Variants in RNF170 observed in about 807,000 individuals in gnomAD.
RNF170 encodes ring finger protein 170.
RNF170 carries 12 observed loss-of-function variants against 32.7 expected under a neutral mutation model. The ratio of observed to expected loss-of-function variants is 0.37; its 90% CI spans 0.24 to 0.60. The LOEUF is 0.60. RNF170 is among the 20% of genes least tolerant of loss of function. RNF170 has a pLI of 0.72. For synonymous variants in RNF170, 91 were observed against 103.6 expected, an observed-to-expected ratio of 0.88 and a Z score of 0.74; for missense variants, 212 against 311.2, an observed-to-expected ratio of 0.68 and a Z score of 2.40.
chr8:42,882,967 G>A (rs972143516), intron 2 of RNF170, among the ~76,000 whole-genome samples: 1 of 152,084 alleles, frequency 6.6e-6, no homozygotes, highest in Non-Finnish European at 1.5e-5. Flanking sequence ...GGAGGCTGAG[G>A]CGAGAGGATC....
At chr8:42,890,224 TTATA>T (rs1806181191) in intron 1 of RNF170, among the ~76,000 whole-genome samples, 1 of 149,802 alleles carries the variant, frequency 6.7e-6, no homozygotes, top group Admixed American at 6.7e-5. Context: ...ATAATATATA[TTATA>T]TATAAATATT....
chr8:42,868,955 T>C (rs760466067), intron 4 of RNF170, among the ~76,000 whole-genome samples: 8 of 152,274 alleles, frequency 5.3e-5, no homozygotes, highest in East Asian at 1.9e-4. Context: ...CTGCTGCCCA[T>C]GCTGGAGTGC....
rs949357300 is a variant in RNF170, at chr8:42,855,336, C to G, written c.*823G>C. The G allele has an allele frequency of 3.5e-6, 3 of 861,646 alleles. No individual in the cohort carries two copies. The highest frequency in any genetic ancestry group is 3.0e-5 in the South Asian group (2 of 66,426). The allele number at this position is 861,646 out of a possible 1,614,324, so 53.4% of individuals were successfully genotyped here. On this transcript the variant is annotated 3_prime_UTR_variant, in exon 7 of 7. Coordinates refer to ENST00000527424, the MANE Select transcript of RNF170 (RefSeq NM_030954.4). ...ACGCCATTCTTCTGCCTCAGCCTCC[C>G]GAGTAGCTGGGACTACAGGCGCCTG...
rs1803073679 is a variant in RNF170, at chr8:42,854,252, A to G, written c.*1907T>C. On this transcript the variant is annotated 3_prime_UTR_variant, in exon 7 of 7. Transcript: ENST00000527424. ...GTATAATGTAGCACGAAAGACTTCC[A>G]AAGAACCAGTTTCTCTCTTGCTGTT... 1.6e-6 allele frequency: 2 copies of G among 1,287,114 alleles called. No individual in the cohort carries two copies. Among genetic ancestry groups the G allele is most frequent in the African/African-American group, 1.5e-5 (1 of 65,800 alleles). 79.7% of individuals were successfully genotyped at this position (1,287,114 alleles called of 1,614,324 possible). A position where few individuals can be genotyped will look rare whatever the true frequency, so the allele number is the denominator to read the frequency against.
At position 42,856,362 on chromosome 8, in the gene RNF170, C is replaced by G. The variant is rs1299707781; in HGVS notation, c.574G>C (p.Gly192Arg). The change falls in exon 7 of 7, where the codon GGG becomes CGG. Residue 192 changes from glycine (G) to arginine (R), a missense_variant. Transcript: ENST00000527424. ...ATGCGAAACATCCAGAAAAGGCCCCCGACTGAAAACATTTCCCTGAATGCA... is the reference window on the plus strand; with the variant it reads ...ATGCGAAACATCCAGAAAAGGCCCCGGACTGAAAACATTTCCCTGAATGCA... ...RHAFREMFSVGGLFWMFRIRI... is the reference protein window; with the variant it reads ...RHAFREMFSVRGLFWMFRIRI... The G allele has an allele frequency of 3.1e-6, 5 of 1,596,758 alleles. No individual in the cohort carries two copies. The highest frequency in any genetic ancestry group is 4.3e-6 in the Non-Finnish European group (5 of 1,175,922).
intron 6 of RNF170, among the ~76,000 whole-genome samples, chr8:42,859,548 G>C (rs1803500312): frequency 6.6e-6 from 1 of 152,184 alleles, no homozygotes; most frequent in Non-Finnish European, 1.5e-5. Context: ...GATGGCCTGA[G>C]CTTGGAAGGT....
intron 6 of RNF170, among the ~76,000 whole-genome samples, chr8:42,860,631 C>T (rs1280750078): frequency 1.3e-5 from 2 of 152,088 alleles, no homozygotes; most frequent in South Asian, 2.1e-4. Context: ...CCATGTTGAT[C>T]AGGCTGGTCT....
At chr8:42,891,597 A>C (rs1377662117) in intron 1 of RNF170, among the ~76,000 whole-genome samples, 3 of 152,176 alleles carry the variant, frequency 2.0e-5, no homozygotes, top group Non-Finnish European at 4.4e-5. Context: ...AATGTCCCTA[A>C]ATTTTGTCTA....
chr8:42,883,743 A>T (rs1805599443), intron 2 of RNF170, among the ~76,000 whole-genome samples: 2 of 152,074 alleles, frequency 1.3e-5, no homozygotes, highest in South Asian at 2.1e-4. Context: ...AATATTTTTT[A>T]AAAAGTTTAA....
intron 2 of RNF170, among the ~76,000 whole-genome samples, chr8:42,886,374 C>G (rs140441122): frequency 1.3e-5 from 2 of 152,290 alleles, no homozygotes; most frequent in East Asian, 3.9e-4. Flanking sequence ...CTGCTATCAT[C>G]TAGTCATTAT....
intron 2 of RNF170, among the ~76,000 whole-genome samples, chr8:42,886,547 G>A (rs749894377): frequency 2.0e-5 from 3 of 151,944 alleles, no homozygotes; most frequent in Non-Finnish European, 4.4e-5. Context: ...CGCCTCAGCC[G>A]CCCAAGTAGC....
At chr8:42,887,689 C>T in intron 2 of RNF170, 39 bp downstream of exon 2, 1 of 1,606,962 alleles carries the variant, frequency 6.2e-7, no homozygotes, top group Non-Finnish European at 8.5e-7. Flanking sequence ...GTCAGCAGCC[C>T]TTGCAAATCT....
chr8:42,885,731 T>C (rs1255574139), intron 2 of RNF170, among the ~76,000 whole-genome samples: 1 of 152,226 alleles, frequency 6.6e-6, no homozygotes, highest in Non-Finnish European at 1.5e-5. Flanking sequence ...GAAAGATGTC[T>C]ATATAGGTCC....
intron 2 of RNF170, among the ~76,000 whole-genome samples, chr8:42,882,969 G>A (rs1438807447): frequency 2.6e-5 from 4 of 151,874 alleles, no homozygotes; most frequent in African/African-American, 7.3e-5. Flanking sequence ...AGGCTGAGGC[G>A]AGAGGATCAT....
At chr8:42,874,362 G>A (rs1804748921) in intron 2 of RNF170, among the ~76,000 whole-genome samples, 1 of 152,138 alleles carries the variant, frequency 6.6e-6, no homozygotes, top group Admixed American at 6.6e-5. Flanking sequence ...GCATTTGAAC[G>A]CTTTTCCACA....
intron 6 of RNF170, among the ~76,000 whole-genome samples, chr8:42,858,508 A>AT (rs1803411951): frequency 6.6e-6 from 1 of 152,376 alleles, no homozygotes; most frequent in South Asian, 2.1e-4. Context: ...AAATAAATAA[A>AT]AATGGTCCTT....
At chr8:42,878,983 T>C (rs925738921) in intron 2 of RNF170, among the ~76,000 whole-genome samples, 4 of 152,226 alleles carry the variant, frequency 2.6e-5, no homozygotes, top group African/African-American at 7.2e-5. Context: ...GATAACAGCA[T>C]ATCAAACTAT....
Position 42,855,245 on chromosome 8 carries a change from T to C in RNF170, c.*914A>G. On this transcript the variant is annotated 3_prime_UTR_variant, in exon 7 of 7. Coordinates refer to ENST00000527424, the MANE Select transcript of RNF170 (RefSeq NM_030954.4). Reference sequence around the variant, plus strand: ...GTTTTTCATCTTTTTTTTTTTTTTTTTTGAGAGGGAGTCTCACTCTGTTGC... The same window carrying C: ...GTTTTTCATCTTTTTTTTTTTTTTTCTTGAGAGGGAGTCTCACTCTGTTGC... 7.9e-7 allele frequency: 1 copy of C among 1,264,114 alleles called. No individual in the cohort carries two copies. The highest frequency in any genetic ancestry group is 1.0e-6 in the Non-Finnish European group (1 of 970,816). 78.3% of individuals were successfully genotyped at this position (1,264,114 alleles called of 1,614,324 possible).
Position 42,886,906 on chromosome 8 carries a change from C to A in RNF170, c.137+822G>T, listed in dbSNP as rs188801677. Among the ~76,000 whole-genome samples the A allele has an allele frequency of 7.3e-3, 1,104 of 152,200 alleles. 9 individuals carry two copies. The highest frequency in any genetic ancestry group is 0.012 in the Non-Finnish European group (789 of 68,004). The stretch of plus-strand genomic sequence containing the variant: ...TAGTGGCTCATGAGTGTAATCCCAG[C>A]ACTTTGGGAGGCTGAGTCGGGTGGT... On this transcript the variant is annotated intron_variant, in intron 2 of 6. Coordinates refer to ENST00000527424, the MANE Select transcript of RNF170 (RefSeq NM_030954.4).
Sources: allele counts gnomAD v4.1 joint callset (sites outside exome capture counted in the v4.1 genomes callset), GRCh38; gene constraint gnomAD v4.1.1; transcripts MANE v1.5; gene names NCBI Gene and HGNC (gene_info 2026-07-23, HGNC 2026-07-21).